The following PRKG1 variants were observed in gnomAD, a reference collection of about 807,000 sequenced individuals.
The protein encoded by PRKG1 is cGMP-dependent protein kinase 1.
A neutral mutation model predicts 88.1 loss-of-function variants in PRKG1; 35 were observed. That is an observed-to-expected ratio of 0.40 (90% CI 0.30 to 0.53). The LOEUF (loss-of-function observed/expected upper bound fraction) is 0.53. Ranked by LOEUF, PRKG1 falls within the 20% of genes least tolerant of loss-of-function variation. The probability of loss-of-function intolerance (pLI) is 0.59; values close to 1 mark genes in which losing one functional copy is unlikely to be tolerated. For missense variants in PRKG1, 540 were observed against 839.8 expected (o/e 0.64, Z 4.41); for synonymous variants, 303 against 292.5 (o/e 1.04, Z -0.37).
intron 8 of PRKG1, among the ~76,000 whole-genome samples, chr10:52,150,183 A>ATTATTATTATTATTATTATTATTATT (rs1554810291): frequency 8.9e-4 from 131 of 147,988 alleles, no homozygotes; most frequent in Middle Eastern, 3.6e-3. Flanking sequence ...TAATAATAAT[A>ATTATTATTATTATTATTATTATTATT]ATTTGATTGG....
intron 3 of PRKG1, among the ~76,000 whole-genome samples, chr10:51,572,637 C>A (rs1264379875): frequency 6.6e-6 from 1 of 151,780 alleles, no homozygotes; most frequent in Non-Finnish European, 1.5e-5. Flanking sequence ...TTCCAGGGGC[C>A]TATTCCCCAG....
At chr10:51,764,521 G>A (rs2132533605) in intron 3 of PRKG1, among the ~76,000 whole-genome samples, 1 of 152,174 alleles carries the variant, frequency 6.6e-6, no homozygotes, top group South Asian at 2.1e-4. Context: ...TGTCAAGCTG[G>A]CCCAGGTTGA....
intron 4 of PRKG1, among the ~76,000 whole-genome samples, chr10:51,874,003 G>A (rs1016381799): frequency 1.3e-5 from 2 of 151,768 alleles, no homozygotes; most frequent in African/African-American, 4.8e-5. Context: ...TACTTTCATT[G>A]TACCTTAATT....
chr10:51,339,720 A>G (rs1184948384), intron 2 of PRKG1, among the ~76,000 whole-genome samples: 1 of 151,988 alleles, frequency 6.6e-6, no homozygotes, highest in African/African-American at 2.4e-5. Context: ...CTTTGCATGT[A>G]ATTAAACATT....
intron 3 of PRKG1, 100 bp from the exon 4 acceptor site, chr10:51,804,485 T>G (rs1839254334): frequency 1.3e-6 from 1 of 763,216 alleles, no homozygotes; most frequent in African/African-American, 1.8e-5. Context: ...ATCATTTTCA[T>G]GATTCTCATG....
intron 2 of PRKG1, among the ~76,000 whole-genome samples, chr10:51,426,041 C>T (rs898617681): frequency 2.0e-5 from 3 of 152,072 alleles, no homozygotes; most frequent in South Asian, 2.1e-4. Flanking sequence ...TTTGGGAGGC[C>T]GAGGCGGGCG....
In PRKG1 at chr10:51,201,910, G is replaced by C. The variant is rs138370076; in HGVS notation, c.478+48580G>C. Among the ~76,000 whole-genome samples, 267 of 152,356 alleles carry C rather than the reference G, an allele frequency of 1.8e-3. 1 individual carries two copies. The highest frequency in any genetic ancestry group is 6.1e-3 in the African/African-American group (253 of 41,590). ...TTATAATACCCCAAACTGACAGACA[G>C]CAAGTGAACAAGTTTCTATTTGTAA... On this transcript the variant is annotated intron_variant, in intron 2 of 17. Coordinates refer to ENST00000373980, the MANE Select transcript of PRKG1 (RefSeq NM_006258.4).
intron 2 of PRKG1, among the ~76,000 whole-genome samples, chr10:51,428,886 T>C (rs1355773122): frequency 6.6e-6 from 1 of 152,102 alleles, no homozygotes; most frequent in East Asian, 1.9e-4. Context: ...TCACCAAAAA[T>C]TAAACAGGGA....
chr10:51,098,868 G>A (rs1474705366), intron 1 of PRKG1, among the ~76,000 whole-genome samples: 1 of 152,082 alleles, frequency 6.6e-6, no homozygotes, highest in Non-Finnish European at 1.5e-5. Context: ...AACTTTCCCT[G>A]GGTAACTGAT....
At chr10:51,908,711 C>CTATCTATCTA (rs59212192) in intron 5 of PRKG1, 5 of 144,740 alleles carry the variant, frequency 3.5e-5, no homozygotes, top group Admixed American at 2.1e-4. Flanking sequence ...CTCTCTCTCT[C>CTATCTATCTA]TCTGTCTATC....
At chr10:51,867,846 A>C (rs1841054060) in intron 4 of PRKG1, among the ~76,000 whole-genome samples, 1 of 152,236 alleles carries the variant, frequency 6.6e-6, no homozygotes, top group African/African-American at 2.4e-5. Context: ...TCTGTCCTCT[A>C]AGAACTTGAG....
At chr10:51,355,891 C>A (rs1842355901) in intron 2 of PRKG1, among the ~76,000 whole-genome samples, 1 of 151,990 alleles carries the variant, frequency 6.6e-6, no homozygotes, top group Non-Finnish European at 1.5e-5. Context: ...ATGGGATCTT[C>A]TTGACACCCA....
chr10:51,092,310 T>G (rs182494941), intron 1 of PRKG1, among the ~76,000 whole-genome samples: 29 of 152,332 alleles, frequency 1.9e-4, no homozygotes, highest in African/African-American at 5.8e-4. Flanking sequence ...CCTGAAGTGA[T>G]GATTTCGTGA....
intron 5 of PRKG1, chr10:51,909,077 A>C (rs1305179905): frequency 6.6e-6 from 1 of 152,200 alleles, no homozygotes; most frequent in Non-Finnish European, 1.5e-5. Context: ...TTACCATTGC[A>C]GTAAACTTGT....
chr10:51,475,007 T>C (rs1840152423), intron 3 of PRKG1, among the ~76,000 whole-genome samples: 1 of 151,970 alleles, frequency 6.6e-6, no homozygotes, highest in African/African-American at 2.4e-5. Flanking sequence ...ATCTAGTAGA[T>C]GAAAGAGGTT....
chr10:52,239,396 G>C (rs1589725652), intron 9 of PRKG1, among the ~76,000 whole-genome samples: 1 of 146,916 alleles, frequency 6.8e-6, no homozygotes, highest in African/African-American at 2.5e-5. Context: ...AATTGGTTAT[G>C]GTTTTTACTG....
At chr10:51,563,161 A>G (rs1224127809) in intron 3 of PRKG1, among the ~76,000 whole-genome samples, 2 of 152,288 alleles carry the variant, frequency 1.3e-5, no homozygotes, top group East Asian at 3.9e-4. Flanking sequence ...TTTCAAAACC[A>G]AAGAACAGGC....
intron 3 of PRKG1, among the ~76,000 whole-genome samples, chr10:51,539,560 T>C (rs1842248639): frequency 6.6e-6 from 1 of 152,178 alleles, no homozygotes; most frequent in South Asian, 2.1e-4. Context: ...TCTCAAGACT[T>C]GACCGACTTC....
intron 2 of PRKG1, among the ~76,000 whole-genome samples, chr10:51,418,169 A>C (rs985002207): frequency 2.6e-5 from 4 of 152,198 alleles, no homozygotes; most frequent in Non-Finnish European, 5.9e-5. Flanking sequence ...CCTGACTTTG[A>C]ATAAGCTCAT....
Sources: allele counts gnomAD v4.1 joint callset (sites outside exome capture counted in the v4.1 genomes callset), GRCh38; gene constraint gnomAD v4.1.1; transcripts MANE v1.5; gene names NCBI Gene and HGNC (gene_info 2026-07-23, HGNC 2026-07-21).